CDH13: variants seen among roughly 807,000 people sequenced by gnomAD.
The protein encoded by CDH13 is cadherin-13.
CDH13 carries 24 observed loss-of-function variants against 63.8 expected under a neutral mutation model. The observed-to-expected ratio is 0.38, with a 90% confidence interval of 0.27 to 0.53. The LOEUF (loss-of-function observed/expected upper bound fraction) is 0.53, where lower values mean the gene tolerates loss of function less well. Ranked by LOEUF, CDH13 falls within the 20% of genes least tolerant of loss-of-function variation. CDH13 has a pLI of 0.85. For synonymous variants in CDH13, 503 were observed against 355.3 expected (o/e 1.42, Z -4.67); for missense variants, 1,049 against 903.1 (o/e 1.16, Z -2.07).
intron 1 of CDH13, among the ~76,000 whole-genome samples, chr16:82,662,257 T>G (rs1368618420): frequency 6.6e-6 from 1 of 152,220 alleles, no homozygotes; most frequent in Non-Finnish European, 1.5e-5. Flanking sequence ...GGCACATACT[T>G]TTTGGATAAG....
At chr16:83,512,522 G>A (rs1382073704) in intron 7 of CDH13, among the ~76,000 whole-genome samples, 1 of 150,854 alleles carries the variant, frequency 6.6e-6, no homozygotes, top group Non-Finnish European at 1.5e-5. Flanking sequence ...ACAAAAATTA[G>A]CCAGGTGTGG....
At chr16:83,536,623 A>G (rs1190502975) in intron 7 of CDH13, among the ~76,000 whole-genome samples, 1 of 152,156 alleles carries the variant, frequency 6.6e-6, no homozygotes, top group African/African-American at 2.4e-5. Flanking sequence ...CTTAAAGTAT[A>G]TTAAGTTATA....
At chr16:82,900,498 G>A (rs1303734190) in intron 2 of CDH13, among the ~76,000 whole-genome samples, 1 of 152,176 alleles carries the variant, frequency 6.6e-6, no homozygotes, top group African/African-American at 2.4e-5. Context: ...GAAAAAGCAA[G>A]AGATAAGAAA....
chr16:83,677,600 C>T (rs1157637157), intron 9 of CDH13, among the ~76,000 whole-genome samples: 2 of 152,150 alleles, frequency 1.3e-5, no homozygotes, highest in Non-Finnish European at 2.9e-5. Context: ...AACCATGCAC[C>T]CAGGCTATAC....
At chr16:82,842,327 C>T (rs1208864450) in intron 1 of CDH13, among the ~76,000 whole-genome samples, 1 of 151,584 alleles carries the variant, frequency 6.6e-6, no homozygotes, top group Non-Finnish European at 1.5e-5. Context: ...TAACCAGTAG[C>T]TGCACCGAAG....
chr16:82,777,171 G>T (rs188152070), intron 1 of CDH13, among the ~76,000 whole-genome samples: 209 of 152,250 alleles, frequency 1.4e-3, no homozygotes, highest in African/African-American at 4.7e-3. Context: ...ATTTCACTGT[G>T]TTACCCAGAG....
At chr16:82,901,166 A>G (rs933643376) in intron 2 of CDH13, among the ~76,000 whole-genome samples, 1 of 152,116 alleles carries the variant, frequency 6.6e-6, no homozygotes, top group African/African-American at 2.4e-5. Flanking sequence ...GTACAGAAGA[A>G]AAAGGTTGTT....
At chr16:83,326,727 T>A (rs980789205) in intron 5 of CDH13, among the ~76,000 whole-genome samples, 2 of 152,168 alleles carry the variant, frequency 1.3e-5, no homozygotes, top group African/African-American at 4.8e-5. Flanking sequence ...AACAAGTCAC[T>A]AAGACACTTT....
At chr16:83,455,458 T>G (rs1057346543) in intron 6 of CDH13, among the ~76,000 whole-genome samples, 1 of 152,156 alleles carries the variant, frequency 6.6e-6, no homozygotes, top group African/African-American at 2.4e-5. Context: ...AGAAGTGGCT[T>G]TCTCCAAGGA....
At chr16:82,726,343 C>A (rs1038842535) in intron 1 of CDH13, among the ~76,000 whole-genome samples, 7 of 152,164 alleles carry the variant, frequency 4.6e-5, no homozygotes, top group Admixed American at 4.6e-4. Flanking sequence ...CAAGAAGATA[C>A]ATATAAGTGA....
At chr16:83,513,556 G>A (rs2074625336) in intron 7 of CDH13, among the ~76,000 whole-genome samples, 1 of 152,134 alleles carries the variant, frequency 6.6e-6, no homozygotes, top group South Asian at 2.1e-4. Context: ...TTACAATCAT[G>A]GCAGAAGGGA....
At chr16:82,936,987 G>A (rs1388200097) in intron 2 of CDH13, among the ~76,000 whole-genome samples, 6 of 152,096 alleles carry the variant, frequency 3.9e-5, no homozygotes, top group African/African-American at 1.4e-4. Flanking sequence ...ACCTCAGCAC[G>A]ACATCAGCAC....
chr16:82,895,689 CTTT>C (rs35076608), intron 2 of CDH13, among the ~76,000 whole-genome samples: 4 of 147,660 alleles, frequency 2.7e-5, no homozygotes, highest in African/African-American at 2.5e-5. Flanking sequence ...ACGCCTCTCC[CTTT>C]TTTTTTTTTT....
intron 2 of CDH13, among the ~76,000 whole-genome samples, chr16:83,010,652 T>C (rs1407793715): frequency 6.6e-6 from 1 of 152,202 alleles, no homozygotes; most frequent in Non-Finnish European, 1.5e-5. Flanking sequence ...TGGGTGAATC[T>C]GCTGCAAACA....
chr16:83,441,111 A>G (rs2072467893), intron 6 of CDH13, among the ~76,000 whole-genome samples: 1 of 152,190 alleles, frequency 6.6e-6, no homozygotes, highest in Non-Finnish European at 1.5e-5. Context: ...ATAAAAATGA[A>G]ATGTTTTGAA....
chr16:83,596,607 A>G (rs924378664), intron 7 of CDH13, among the ~76,000 whole-genome samples: 1 of 152,336 alleles, frequency 6.6e-6, no homozygotes, highest in East Asian at 1.9e-4. Context: ...AATTAAAAAT[A>G]CATGTGTATA....
At chr16:83,220,086 G>T (rs974504476) in intron 5 of CDH13, among the ~76,000 whole-genome samples, 1 of 152,178 alleles carries the variant, frequency 6.6e-6, no homozygotes, top group Non-Finnish European at 1.5e-5. Flanking sequence ...CCTTGGCAGC[G>T]CACTCTTCAA....
chr16:83,213,000 G>C (rs887802865), intron 4 of CDH13, among the ~76,000 whole-genome samples: 5 of 152,160 alleles, frequency 3.3e-5, no homozygotes, highest in African/African-American at 1.2e-4. Context: ...ACCATTCTTG[G>C]CTGTGGGTGT....
intron 7 of CDH13, among the ~76,000 whole-genome samples, chr16:83,538,406 G>T (rs1374909934): frequency 6.6e-6 from 1 of 152,192 alleles, no homozygotes; most frequent in Non-Finnish European, 1.5e-5. Flanking sequence ...AGTTAAGACA[G>T]ACCAACAATT....
Sources: allele counts gnomAD v4.1 joint callset (sites outside exome capture counted in the v4.1 genomes callset), GRCh38; gene constraint gnomAD v4.1.1; transcripts MANE v1.5; gene names NCBI Gene and HGNC (gene_info 2026-07-23, HGNC 2026-07-21).